Variants in SEMA3A observed in about 807,000 individuals in gnomAD.
SEMA3A encodes semaphorin 3A, also known as semaphorin-3A.
A neutral mutation model predicts 97.9 loss-of-function variants in SEMA3A; 29 were observed. The observed-to-expected ratio is 0.30, with a 90% CI of 0.22 to 0.40. SEMA3A has a LOEUF of 0.40. Ranked by LOEUF, SEMA3A falls within the 10% of genes least tolerant of loss-of-function variation. SEMA3A has a pLI of 1.00. For synonymous variants in SEMA3A, 321 were observed against 323.7 expected (o/e 0.99, Z 0.09); for missense variants, 763 against 951.3 (o/e 0.80, Z 2.60).
At chr7:84,344,468 G>A (rs1424911023) in intron 2 of SEMA3A, among the ~76,000 whole-genome samples, 1 of 152,132 alleles carries the variant, frequency 6.6e-6, no homozygotes, top group Non-Finnish European at 1.5e-5. Flanking sequence ...GAAGACCCAA[G>A]AATTGAACAA....
At chr7:84,013,246 T>C (rs1790956872) in intron 7 of SEMA3A, among the ~76,000 whole-genome samples, 1 of 152,184 alleles carries the variant, frequency 6.6e-6, no homozygotes, top group Non-Finnish European at 1.5e-5. Context: ...CTAGGCACCG[T>C]AGAGGGAAAC....
At chr7:84,491,758 G>A (rs1000782631) in intron 1 of SEMA3A, among the ~76,000 whole-genome samples, 6 of 152,110 alleles carry the variant, frequency 3.9e-5, no homozygotes, top group African/African-American at 7.2e-5. Context: ...CAAAATAAAC[G>A]CAATGTGAAG....
chr7:84,023,062 G>A (rs1317527402), intron 6 of SEMA3A, among the ~76,000 whole-genome samples: 1 of 152,072 alleles, frequency 6.6e-6, no homozygotes, highest in Admixed American at 6.5e-5. Context: ...GGCATTTCTT[G>A]CAAAATTCAC....
chr7:83,993,918 C>T (rs1370825558), intron 12 of SEMA3A, among the ~76,000 whole-genome samples: 3 of 118,110 alleles, frequency 2.5e-5, no homozygotes, highest in African/African-American at 9.8e-5. Flanking sequence ...TGTTTTCCAA[C>T]TTGGTTCCAT....
chr7:84,417,932 A>AGTCTAAATAAG (rs1330624010), intron 1 of SEMA3A, among the ~76,000 whole-genome samples: 1 of 152,168 alleles, frequency 6.6e-6, no homozygotes, highest in Non-Finnish European at 1.5e-5. Flanking sequence ...TATTAAGCTA[A>AGTCTAAATAAG]TATTAAATAC....
At chr7:83,983,151 A>C (rs533408530) in intron 13 of SEMA3A, among the ~76,000 whole-genome samples, 1 of 152,222 alleles carries the variant, frequency 6.6e-6, no homozygotes, top group African/African-American at 2.4e-5. Flanking sequence ...TGGGAAAAAT[A>C]GATTAAGTAT....
chr7:84,241,576 G>GT (rs998075046), intron 3 of SEMA3A, among the ~76,000 whole-genome samples: 2 of 152,042 alleles, frequency 1.3e-5, no homozygotes, highest in East Asian at 1.9e-4. Context: ...TCTGATGATA[G>GT]TTTTTTTGTT....
intron 4 of SEMA3A, among the ~76,000 whole-genome samples, chr7:84,098,496 G>T (rs1348061369): frequency 6.6e-6 from 1 of 151,750 alleles, no homozygotes; most frequent in African/African-American, 2.4e-5. Flanking sequence ...TGTTTTGTGG[G>T]GTATTCTAGC....
At chr7:84,380,042 G>A (rs539418173) in intron 1 of SEMA3A, among the ~76,000 whole-genome samples, 1 of 152,224 alleles carries the variant, frequency 6.6e-6, no homozygotes, top group South Asian at 2.1e-4. Flanking sequence ...GAACTACATG[G>A]CAATATGAGA....
chr7:84,299,846 G>A (rs201716404), intron 3 of SEMA3A, among the ~76,000 whole-genome samples: 2 of 596 alleles, frequency 3.4e-3, no homozygotes, highest in East Asian at 0.033. Flanking sequence ...CCTGGCCAAC[G>A]TGGTGAAACC....
chr7:84,072,968 G>A (rs1001860619), intron 4 of SEMA3A, among the ~76,000 whole-genome samples: 2 of 151,970 alleles, frequency 1.3e-5, no homozygotes, highest in Non-Finnish European at 2.9e-5. Context: ...ATAAGAATTC[G>A]ATAACATCTT....
intron 2 of SEMA3A, among the ~76,000 whole-genome samples, chr7:84,331,871 T>C (rs77850502): frequency 0.011 from 1,605 of 152,130 alleles, 89 homozygotes; most frequent in Admixed American, 0.071. Flanking sequence ...TGGAGTAAAA[T>C]AGAAATGTGG....
chr7:84,001,931 C>G (rs768664397), intron 12 of SEMA3A, 24 bp downstream of exon 12: 11 of 1,536,342 alleles, frequency 7.2e-6, no homozygotes, highest in Non-Finnish European at 9.0e-6. Context: ...AACTTGTTGA[C>G]ACTTGAAATT....
At chr7:84,098,168 G>A (rs1163752934) in intron 4 of SEMA3A, among the ~76,000 whole-genome samples, 3 of 151,940 alleles carry the variant, frequency 2.0e-5, no homozygotes, top group Admixed American at 1.3e-4. Context: ...ATACTTTTCT[G>A]TGTATTTAAA....
chr7:84,464,608 T>G (rs2116395786), intron 1 of SEMA3A, among the ~76,000 whole-genome samples: 1 of 152,328 alleles, frequency 6.6e-6, no homozygotes, highest in South Asian at 2.1e-4. Flanking sequence ...GGTACAAATT[T>G]ACATTTTCCT....
intron 1 of SEMA3A, among the ~76,000 whole-genome samples, chr7:84,417,190 A>T (rs960304626): frequency 6.6e-6 from 1 of 152,088 alleles, no homozygotes; most frequent in Non-Finnish European, 1.5e-5. Context: ...CTTAATTACA[A>T]TAGTACAAAA....
At chr7:84,410,320 AG>A (rs372767873) in intron 1 of SEMA3A, among the ~76,000 whole-genome samples, 83 of 150,350 alleles carry the variant, frequency 5.5e-4, no homozygotes, top group African/African-American at 1.9e-3. Context: ...GTTTTTCATC[AG>A]GGGGTCATTT....
intron 12 of SEMA3A, among the ~76,000 whole-genome samples, chr7:83,995,112 G>A (rs568835037): frequency 3.9e-5 from 6 of 152,152 alleles, no homozygotes; most frequent in East Asian, 1.9e-4. Context: ...TCTTTGACTC[G>A]GAAAAGGAAC....
At chr7:84,424,638 ATATAT>A (rs1432611498) in intron 1 of SEMA3A, among the ~76,000 whole-genome samples, 1 of 94,588 alleles carries the variant, frequency 1.1e-5, no homozygotes, top group Non-Finnish European at 1.8e-5. Flanking sequence ...TATATACAAT[ATATAT>A]TATATTTATA....
Sources: allele counts gnomAD v4.1 joint callset (sites outside exome capture counted in the v4.1 genomes callset), GRCh38; gene constraint gnomAD v4.1.1; transcripts MANE v1.5; gene names NCBI Gene and HGNC (gene_info 2026-07-23, HGNC 2026-07-21).